Variants in MAP1B observed in about 807,000 individuals in gnomAD.
The protein encoded by MAP1B is microtubule-associated protein 1B.
Under a neutral mutation model 176.1 loss-of-function variants are expected in MAP1B, and 12 were observed. The ratio of observed to expected loss-of-function variants is 0.07; its 90% CI spans 0.04 to 0.11. The LOEUF (loss-of-function observed/expected upper bound fraction) is 0.11, where lower values mean the gene tolerates loss of function less well. Among genes scored for constraint, MAP1B ranks in the 10% least tolerant of loss-of-function variants. MAP1B has a pLI of 1.00. For missense variants in MAP1B, 2,523 were observed against 2,990.5 expected (o/e 0.84, Z 3.65); for synonymous variants, 1,044 against 1,135.0 (o/e 0.92, Z 1.61).
chr5:72,137,420 G>A (rs1281058710), intron 2 of MAP1B, among the ~76,000 whole-genome samples: 3 of 152,070 alleles, frequency 2.0e-5, no homozygotes, highest in Non-Finnish European at 4.4e-5. Context: ...TTTTCTAGTT[G>A]AATTACATAA....
At chr5:72,203,310 C>T (rs1747371685) in intron 5 of MAP1B, among the ~76,000 whole-genome samples, 1 of 152,172 alleles carries the variant, frequency 6.6e-6, no homozygotes, top group Non-Finnish European at 1.5e-5. Flanking sequence ...TGGTTGTCCA[C>T]AAAGGGAAAC....
In MAP1B at chr5:72,208,765, C is replaced by A. The variant is rs1747507781; in HGVS notation, c.*3526C>A. 1 of 152,048 alleles carries A rather than the reference C, an allele frequency of 6.6e-6. No homozygotes were observed. Among genetic ancestry groups the A allele is most frequent in the Non-Finnish European group, 1.5e-5 (1 of 68,020 alleles). 9.4% of individuals were successfully genotyped at this position (152,048 alleles called of 1,614,324 possible). A position where few individuals can be genotyped will look rare whatever the true frequency, so the allele number is the denominator to read the frequency against. On this transcript the variant is annotated 3_prime_UTR_variant, in exon 7 of 7. Transcript: ENST00000296755. The stretch of plus-strand genomic sequence containing the variant: ...GGAAATCTTACCACCTTTCATTTTC[C>A]CTCTGTTACCAAATTTCAGCTCTTA...
intron 2 of MAP1B, among the ~76,000 whole-genome samples, chr5:72,134,655 TG>T (rs1463998239): frequency 2.0e-5 from 3 of 152,140 alleles, no homozygotes; most frequent in African/African-American, 7.2e-5. Flanking sequence ...TACTCTGTAG[TG>T]GCACTCTATC....
chr5:72,187,131 A>G (rs1746925396), intron 4 of MAP1B, among the ~76,000 whole-genome samples: 1 of 152,192 alleles, frequency 6.6e-6, no homozygotes, highest in African/African-American at 2.4e-5. Flanking sequence ...CTCGTTTTCC[A>G]GGCCTAATTA....
rs564543921 is a variant in MAP1B, at chr5:72,207,962, C to CTTTTTTTTTTT, written c.*2734_*2744dup. 8.6e-6 allele frequency: 1 copy of CTTTTTTTTTTT among 116,002 alleles called. No homozygotes were observed. The highest frequency in any genetic ancestry group is 1.7e-5 in the Non-Finnish European group (1 of 58,400). The allele number at this position is 116,002 out of a possible 1,614,324, so 7.2% of individuals were successfully genotyped here. A position where few individuals can be genotyped will look rare whatever the true frequency, so the allele number is the denominator to read the frequency against. On this transcript the variant is annotated 3_prime_UTR_variant, in exon 7 of 7. Transcript: ENST00000296755. ...CTCCTCACTTTCTCTCTCTCTCTCT[C>CTTTTTTTTTTT]TTTTTTTTTTTTTTTTTTTTTGCTA...
At position 72,199,963 on chromosome 5, in the gene MAP1B, C is replaced by T; in HGVS notation, c.6608C>T (p.Ala2203Val). The change falls in exon 5 of 7, where the codon GCT (alanine) becomes GTT (valine). Residue 2203 changes from alanine (A) to valine (V), a missense_variant. Physicochemically the swap from Ala to Val is moderately conservative, Grantham distance 64. Coordinates refer to ENST00000296755, the MANE Select transcript of MAP1B (RefSeq NM_005909.5). The surrounding 1 kb of genome is among the most constrained non-coding windows in gnomAD (Gnocchi z 4.2). ...TACAAACACATGGACCCACCTCCAG[C>T]TCCCGTGCAAGACCGCAGCCCTTCG... ...VTYKHMDPPP[A>V]PVQDRSPSPR... 6.2e-7 allele frequency: 1 copy of T among 1,614,260 alleles called. No individual in the cohort carries two copies. The highest frequency in any genetic ancestry group is 8.5e-7 in the Non-Finnish European group (1 of 1,180,054).
At chr5:72,111,644 CAG>C (rs1283500500) in intron 1 of MAP1B, among the ~76,000 whole-genome samples, 2 of 152,144 alleles carry the variant, frequency 1.3e-5, no homozygotes, top group African/African-American at 2.4e-5. Flanking sequence ...AAGTCGAAGA[CAG>C]ATGGATTTCT....
At chr5:72,122,571 G>T (rs916996216) in intron 2 of MAP1B, among the ~76,000 whole-genome samples, 5 of 151,874 alleles carry the variant, frequency 3.3e-5, no homozygotes, top group African/African-American at 4.8e-5. Flanking sequence ...CCATGTTCAG[G>T]CTTCCTCATT....
rs374509371 is a variant in MAP1B at position 72,195,314 on chromosome 5, A to G, written c.1959A>G (p.Lys653=). ...KVKPEDKKEE[K]EKPKKEVAKK... ...AGCCTGAAGACAAGAAAGAGGAGAA[A>G]GAAAAGCCAAAGAAAGAAGTGGCTA... The change falls in exon 5 of 7, where the codon AAA becomes AAG. Residue 653 remains lysine, a synonymous_variant. Transcript: ENST00000296755. 3.5e-5 allele frequency: 57 copies of G among 1,609,806 alleles called. No homozygotes were observed. The highest frequency in any genetic ancestry group is 4.6e-5 in the Non-Finnish European group (54 of 1,178,600).
At chr5:72,162,638 A>C (rs1383611559) in intron 2 of MAP1B, among the ~76,000 whole-genome samples, 1 of 152,182 alleles carries the variant, frequency 6.6e-6, no homozygotes, top group Non-Finnish European at 1.5e-5. Context: ...TCCTTGCTTA[A>C]ATTCTGTCAC....
chr5:72,149,335 G>C (rs1746100814), intron 2 of MAP1B, among the ~76,000 whole-genome samples: 1 of 152,196 alleles, frequency 6.6e-6, no homozygotes, highest in Non-Finnish European at 1.5e-5. Flanking sequence ...CTAACTAAAT[G>C]ATTTATTCCC....
At chr5:72,185,389 G>C (rs1209599908) in intron 3 of MAP1B, among the ~76,000 whole-genome samples, 2 of 152,090 alleles carry the variant, frequency 1.3e-5, no homozygotes, top group African/African-American at 4.8e-5. Context: ...AAAAAAGCTG[G>C]AGAATTACAG....
At chr5:72,161,450 C>T (rs918301112) in intron 2 of MAP1B, among the ~76,000 whole-genome samples, 5 of 152,146 alleles carry the variant, frequency 3.3e-5, no homozygotes, top group Admixed American at 2.6e-4. Flanking sequence ...ATGAAAAATA[C>T]TGCTCTCTGT....
At position 72,207,964 on chromosome 5, in the gene MAP1B, T is replaced by TC. The variant is rs1747489353; in HGVS notation, c.*2725_*2726insC. 2 of 76,204 alleles carry TC rather than the reference T, an allele frequency of 2.6e-5. No homozygotes were observed. Among genetic ancestry groups the TC allele is most frequent in the Admixed American group, 1.1e-4 (1 of 9,178 alleles). 4.7% of individuals were successfully genotyped at this position (76,204 alleles called of 1,614,324 possible). ...CCTCACTTTCTCTCTCTCTCTCTCT[T>TC]TTTTTTTTTTTTTTTTTTTGCTATG... On this transcript the variant is annotated 3_prime_UTR_variant, in exon 7 of 7. Transcript: ENST00000296755.
intron 2 of MAP1B, chr5:72,169,632 T>C: frequency 1.3e-5 from 2 of 154,484 alleles, no homozygotes; most frequent in Middle Eastern, 1.0e-3. Context: ...TAAATCCCTA[T>C]AGGTGGAAGG....
chr5:72,178,640 T>C (rs530494315), intron 2 of MAP1B, among the ~76,000 whole-genome samples: 55 of 152,044 alleles, frequency 3.6e-4, no homozygotes, highest in African/African-American at 5.3e-4. Flanking sequence ...CTCCCTTTCA[T>C]ACTGAGTAGA....
At chr5:72,149,703 C>A (rs1037527211) in intron 2 of MAP1B, among the ~76,000 whole-genome samples, 1 of 152,110 alleles carries the variant, frequency 6.6e-6, no homozygotes, top group Non-Finnish European at 1.5e-5. Context: ...AGATAGTGGG[C>A]TGATGGGTTG....
rs184989848 is a variant in MAP1B, at chr5:72,198,921, C to T, written c.5566C>T (p.Leu1856=). ...GAATAGAGATTTGTCCACACCTGGC[C>T]TGGAGAAGGACAGTGGAGGGAAGAC... ...ALNRDLSTPG[L]EKDSGGKTPG... The change falls in exon 5 of 7, where the codon CTG becomes TTG. Residue 1856 remains leucine (L), a synonymous_variant. Coordinates refer to ENST00000296755, the MANE Select transcript of MAP1B (RefSeq NM_005909.5). 262 of 1,614,210 alleles carry T rather than the reference C, an allele frequency of 1.6e-4. 2 individuals carry two copies. The East Asian group carries it at 5.7e-3, about 35-fold the overall frequency.
intron 1 of MAP1B, among the ~76,000 whole-genome samples, chr5:72,108,395 G>A (rs947117723): frequency 6.6e-6 from 1 of 152,254 alleles, no homozygotes; most frequent in Non-Finnish European, 1.5e-5. Flanking sequence ...GCAGCTCTCA[G>A]AAAGGACAAT....
Sources: allele counts gnomAD v4.1 joint callset (sites outside exome capture counted in the v4.1 genomes callset), GRCh38; gene constraint gnomAD v4.1.1; non-coding constraint Gnocchi (gnomAD v3.1); transcripts MANE v1.5; gene names NCBI Gene and HGNC (gene_info 2026-07-23, HGNC 2026-07-21).